MRS2: variants seen among roughly 807,000 people sequenced by gnomAD.
MRS2 encodes the protein magnesium transporter MRS2.
A neutral mutation model predicts 52.6 loss-of-function variants in MRS2; 40 were observed. That is an observed-to-expected ratio of 0.76 (90% confidence interval 0.59 to 0.99). The LOEUF (loss-of-function observed/expected upper bound fraction) is 0.99. Among genes scored for constraint, MRS2 ranks in the 50% least tolerant of loss-of-function variants. The pLI is 0.00. For synonymous variants in MRS2, 193 were observed against 195.9 expected, an observed-to-expected ratio of 0.98 and a Z score of 0.13; for missense variants, 472 against 532.7, an observed-to-expected ratio of 0.89 and a Z score of 1.12.
At chr6:24,403,365 C>T in intron 1 of MRS2, 129 bp downstream of exon 1, 1 of 928,138 alleles carries the variant, frequency 1.1e-6, no homozygotes, top group South Asian at 1.8e-5. Flanking sequence ...CCCGCGTGTC[C>T]TGTGAGCTTG....
chr6:24,404,427 A>G (rs1425818821), intron 1 of MRS2, among the ~76,000 whole-genome samples: 1 of 152,230 alleles, frequency 6.6e-6, no homozygotes, highest in Non-Finnish European at 1.5e-5. Flanking sequence ...ACAAATTACA[A>G]CAATCATTAC....
chr6:24,404,591 C>T (rs370660357), intron 1 of MRS2, among the ~76,000 whole-genome samples: 2 of 151,952 alleles, frequency 1.3e-5, no homozygotes, highest in South Asian at 2.1e-4. Flanking sequence ...AGTCTAATCA[C>T]GTTTTAAATA....
chr6:24,404,135 C>A (rs1467244112), intron 1 of MRS2, among the ~76,000 whole-genome samples: 1 of 152,210 alleles, frequency 6.6e-6, no homozygotes, highest in African/African-American at 2.4e-5. Flanking sequence ...CCCAAAGTAA[C>A]TCCTCGTCAG....
chr6:24,412,976 G>T (rs1761719177), intron 5 of MRS2, among the ~76,000 whole-genome samples: 1 of 152,158 alleles, frequency 6.6e-6, no homozygotes, highest in Non-Finnish European at 1.5e-5. Flanking sequence ...GAGAGGACAT[G>T]AGGTGCATTG....
chr6:24,419,247 A>G (rs1761964856), intron 9 of MRS2: 1 of 152,230 alleles, frequency 6.6e-6, no homozygotes, highest in East Asian at 1.9e-4. Context: ...GTCTCAAAAA[A>G]TAAATAAATA....
At chr6:24,421,588 C>T in intron 9 of MRS2, among the ~76,000 whole-genome samples, 1 of 118,098 alleles carries the variant, frequency 8.5e-6, no homozygotes, top group East Asian at 2.7e-4. Flanking sequence ...CAAATATCAA[C>T]ATTTTATCAC....
chr6:24,425,902 T>G lies in MRS2; in HGVS notation c.*2208T>G, dbSNP rs1360105161. ...TGTATACAGCTTTATTTTTTGGAAT[T>G]GCAATATTAAAGTTGCACGTTGGAT... On this transcript the variant is annotated 3_prime_UTR_variant, in exon 11 of 11. Coordinates refer to ENST00000378386, the MANE Select transcript of MRS2 (RefSeq NM_020662.4). The G allele has an allele frequency of 6.6e-6, 1 of 152,358 alleles. No individual in the cohort carries two copies. The highest frequency in any genetic ancestry group is 1.9e-4 in the East Asian group (1 of 5,194). 9.4% of individuals were successfully genotyped at this position (152,358 alleles called of 1,614,324 possible).
intron 6 of MRS2, among the ~76,000 whole-genome samples, chr6:24,415,636 A>ACT (rs2127293016): frequency 6.6e-6 from 1 of 152,308 alleles, no homozygotes; most frequent in South Asian, 2.1e-4. Context: ...CTGAATCAGT[A>ACT]GTTTCTTATC....
At chr6:24,414,882 TGG>T (rs1761795383) in intron 5 of MRS2, 149 bp from the exon 6 acceptor site, 1 of 584,320 alleles carries the variant, frequency 1.7e-6, no homozygotes, top group Admixed American at 3.5e-5. Context: ...TTGAATCATC[TGG>T]AATAGGCATT....
At chr6:24,403,286 C>A in intron 1 of MRS2, 50 bp downstream of exon 1, 1 of 1,474,038 alleles carries the variant, frequency 6.8e-7, no homozygotes, top group Non-Finnish European at 9.0e-7. Flanking sequence ...TTGCAGTGAC[C>A]TTAGACTGCT....
rs548260502 is a variant in MRS2 at position 24,404,253 on chromosome 6, G to A, written c.191-915G>A. ...TCAGCAAGTTGGAGGAAACTTTTAGGACAAGCATTGACGTTCACAATCTCA... is the reference window on the plus strand; with the variant it reads ...TCAGCAAGTTGGAGGAAACTTTTAGAACAAGCATTGACGTTCACAATCTCA... On this transcript the variant is annotated intron_variant, in intron 1 of 10. Transcript: ENST00000378386. Among the ~76,000 whole-genome samples, 15 of 152,164 alleles carry A rather than the reference G, an allele frequency of 9.9e-5. No homozygotes were observed. In the South Asian group the frequency reaches 3.1e-3, roughly 32 times the overall value.
At position 24,408,398 on chromosome 6, in the gene MRS2, C is replaced by T. The variant is rs376901367; in HGVS notation, c.265-10C>T. 1.3e-6 allele frequency: 2 copies of T among 1,544,406 alleles called. No homozygotes were observed. Among genetic ancestry groups the T allele is most frequent in the Non-Finnish European group, 1.8e-6 (2 of 1,118,260 alleles). On this transcript the variant is annotated splice_polypyrimidine_tract_variant and intron_variant, in intron 2 of 10. Transcript: ENST00000378386. ...AGAAAATCATAATTTGTTTTATTCT[C>T]TATTTTCAGACAAAATTTGACAAAC...
chr6:24,416,500 G>A lies in MRS2; in HGVS notation c.823G>A (p.Asp275Asn). 3 of 1,532,766 alleles carry A rather than the reference G, an allele frequency of 2.0e-6. No individual in the cohort carries two copies. The highest frequency in any genetic ancestry group is 1.4e-5 in the African/African-American group (1 of 73,170). The allele number at this position is 1,532,766 out of a possible 1,614,324, so 94.9% of individuals were successfully genotyped here. Residue 275 changes from aspartate (D) to asparagine (N), a missense_variant, in exon 7 of 11, where the codon GAC becomes AAC. Asp to Asn is a conservative substitution (Grantham distance 23). Transcript: ENST00000378386. ...LEELCVSKWS[D>N]PQVFEKSSAG... ...AGAGCTCTGTGTATCAAAATGGAGT[G>A]ACCCACAAGTCTTGTAAGTATATAA... is the stretch of plus-strand genomic sequence containing the variant.
intron 4 of MRS2, among the ~76,000 whole-genome samples, chr6:24,411,372 CTA>C (rs1305310987): frequency 6.6e-6 from 1 of 151,922 alleles, no homozygotes; most frequent in Middle Eastern, 3.4e-3. Flanking sequence ...AGTAGTAAGG[CTA>C]TGTTTCATCT....
At position 24,405,216 on chromosome 6, in the gene MRS2, C is replaced by T; in HGVS notation, c.239C>T (p.Ala80Val). 9 of 1,613,684 alleles carry T rather than the reference C, an allele frequency of 5.6e-6. No homozygotes were observed. The highest frequency in any genetic ancestry group is 7.6e-6 in the Non-Finnish European group (9 of 1,179,604). Residue 80 changes from alanine to valine, a missense_variant, in exon 2 of 11, where the codon GCC becomes GTC. Ala to Val is a moderately conservative substitution (Grantham distance 64). Coordinates refer to ENST00000378386, the MANE Select transcript of MRS2 (RefSeq NM_020662.4). Reference protein sequence around the residue: ...RTSDVSQATLASVAPVFTVTK... With the variant: ...RTSDVSQATLVSVAPVFTVTK... The stretch of plus-strand genomic sequence containing the variant: ...TCTGACGTCTCTCAAGCCACTTTAG[C>T]CAGTGTAGCCCCAGTATTTACTGTG...
chr6:24,421,628 C>T (rs1473021791), intron 9 of MRS2, among the ~76,000 whole-genome samples: 3 of 152,180 alleles, frequency 2.0e-5, no homozygotes, highest in African/African-American at 7.2e-5. Context: ...TGCTAGCATA[C>T]TTTATTCTCT....
At position 24,403,333 on chromosome 6, in the gene MRS2, C is replaced by T. The variant is rs560752877; in HGVS notation, c.190+97C>T. 5.6e-6 allele frequency: 7 copies of T among 1,251,882 alleles called. No individual in the cohort carries two copies. In the South Asian group the frequency reaches 1.1e-4, roughly 20 times the overall value. 77.5% of individuals were successfully genotyped at this position (1,251,882 alleles called of 1,614,324 possible). A position where few individuals can be genotyped will look rare whatever the true frequency, so the allele number is the denominator to read the frequency against. On this transcript the variant is annotated intron_variant, in intron 1 of 10. Transcript: ENST00000378386. ...CCGGCGCGGCGCGCCTGTTGCTCCGCGCCCTCCGCAGGCCTCGGCCTCCCG... is the reference window on the plus strand; with the variant it reads ...CCGGCGCGGCGCGCCTGTTGCTCCGTGCCCTCCGCAGGCCTCGGCCTCCCG...
chr6:24,405,280 G>T, intron 2 of MRS2, 39 bp downstream of exon 2: 1 of 1,456,946 alleles, frequency 6.9e-7, no homozygotes, highest in Non-Finnish European at 9.6e-7. Context: ...TACAGAAAGT[G>T]CTTCCCATAC....
chr6:24,412,535 T>C, intron 5 of MRS2, 140 bp downstream of exon 5: 1 of 522,240 alleles, frequency 1.9e-6, no homozygotes, highest in South Asian at 4.6e-5. Flanking sequence ...CTAAGGATCC[T>C]ACATGGAGAT....
Sources: allele counts gnomAD v4.1 joint callset (sites outside exome capture counted in the v4.1 genomes callset), GRCh38; gene constraint gnomAD v4.1.1; transcripts MANE v1.5; gene names NCBI Gene and HGNC (gene_info 2026-07-23, HGNC 2026-07-21).